CRPPA: variants seen among roughly 807,000 people sequenced by gnomAD.
CRPPA encodes the protein CDP-L-ribitol pyrophosphorylase A.
Under a neutral mutation model 52.0 loss-of-function variants are expected in CRPPA, and 43 were observed. That is an observed-to-expected ratio of 0.83 (90% CI 0.65 to 1.07). The LOEUF (loss-of-function observed/expected upper bound fraction) is 1.07. Among genes scored for constraint, CRPPA ranks in the 50% least tolerant of loss-of-function variants. CRPPA has a pLI of 0.00. For synonymous variants in CRPPA, 250 were observed against 203.5 expected (o/e 1.23, Z -1.94); for missense variants, 629 against 551.7 (o/e 1.14, Z -1.40).
At chr7:16,418,135 T>G (rs762423282) in intron 1 of CRPPA, among the ~76,000 whole-genome samples, 7 of 152,212 alleles carry the variant, frequency 4.6e-5, no homozygotes, top group Non-Finnish European at 7.3e-5. Context: ...CAGAAGGAAG[T>G]AAGGGCTTTC....
At chr7:16,321,382 A>G (rs943677471) in intron 3 of CRPPA, among the ~76,000 whole-genome samples, 1 of 152,204 alleles carries the variant, frequency 6.6e-6, no homozygotes, top group Non-Finnish European at 1.5e-5. Context: ...CACACGAATT[A>G]TTAACCTTAT....
At chr7:16,379,355 G>T (rs551998370) in intron 2 of CRPPA, among the ~76,000 whole-genome samples, 1 of 152,140 alleles carries the variant, frequency 6.6e-6, no homozygotes, top group South Asian at 2.1e-4. Context: ...CTATATCTCT[G>T]TTTCGGTACC....
intron 1 of CRPPA, among the ~76,000 whole-genome samples, chr7:16,409,009 C>A (rs1033581427): frequency 1.3e-5 from 2 of 152,190 alleles, no homozygotes; most frequent in African/African-American, 2.4e-5. Flanking sequence ...TCAAGCAATT[C>A]TCCTGCCTCA....
intron 9 of CRPPA, among the ~76,000 whole-genome samples, chr7:16,162,230 G>A (rs112914729): frequency 0.012 from 1,757 of 152,130 alleles, 43 homozygotes; most frequent in African/African-American, 0.041. Context: ...TTTTGCATTT[G>A]TTTGCTCTTG....
chr7:16,326,450 G>T (rs777225115), intron 3 of CRPPA, among the ~76,000 whole-genome samples: 1 of 152,168 alleles, frequency 6.6e-6, no homozygotes, highest in East Asian at 1.9e-4. Context: ...GCCAGTCAAA[G>T]AGCTCTGTTC....
Position 16,093,235 on chromosome 7 carries a change from A to AT in CRPPA, c.1252-1437dup, listed in dbSNP as rs370249970. On this transcript the variant is annotated intron_variant, in intron 9 of 9. Transcript: ENST00000407010. Reference sequence around the variant, plus strand: ...CCTAACACATGGTAGCACTCCATAAATTATAACAAATTCAAAGCAAAAGAG... The same window carrying AT: ...CCTAACACATGGTAGCACTCCATAAATTTATAACAAATTCAAAGCAAAAGAG... Among the ~76,000 whole-genome samples, 968 of 152,300 alleles carry AT rather than the reference A, an allele frequency of 6.4e-3. 13 individuals are homozygous for AT. The highest frequency in any genetic ancestry group is 0.022 in the African/African-American group (918 of 41,566).
rs572654737 is a variant in CRPPA, at chr7:16,270,001, A to G, written c.933+8128T>C. ...TAGTATACAACATTCTTCAAAATCA[A>G]TTGTTGAAGGTTAACTATAATCTAC... On this transcript the variant is annotated intron_variant, in intron 6 of 9. Coordinates refer to ENST00000407010, the MANE Select transcript of CRPPA (RefSeq NM_001101426.4). The G allele has an allele frequency of 1.2e-4, 18 of 152,304 alleles. No homozygotes were observed. The East Asian group carries it at 1.3e-3, about 11-fold the overall frequency. 9.4% of individuals were successfully genotyped at this position (152,304 alleles called of 1,614,324 possible).
intron 2 of CRPPA, among the ~76,000 whole-genome samples, chr7:16,404,906 A>T (rs960997768): frequency 6.6e-6 from 1 of 152,184 alleles, no homozygotes; most frequent in South Asian, 2.1e-4. Flanking sequence ...CACTACCTTA[A>T]ATACCATTTA....
chr7:16,245,404 G>A (rs530228703), intron 8 of CRPPA, among the ~76,000 whole-genome samples: 5 of 152,138 alleles, frequency 3.3e-5, no homozygotes, highest in African/African-American at 1.2e-4. Context: ...TTGCTTTCTG[G>A]CCATTTTTGG....
chr7:16,122,935 C>T (rs1338972317), intron 9 of CRPPA, among the ~76,000 whole-genome samples: 1 of 151,930 alleles, frequency 6.6e-6, no homozygotes, highest in Admixed American at 6.6e-5. Flanking sequence ...AACCTTTCTG[C>T]CACTCATGAG....
intron 8 of CRPPA, among the ~76,000 whole-genome samples, chr7:16,252,608 T>C (rs1349529638): frequency 6.6e-6 from 1 of 152,198 alleles, no homozygotes; most frequent in Non-Finnish European, 1.5e-5. Flanking sequence ...ATCAGGATGA[T>C]GCTGGCCTCA....
intron 9 of CRPPA, among the ~76,000 whole-genome samples, chr7:16,203,655 A>G (rs1412022476): frequency 6.6e-6 from 1 of 152,074 alleles, no homozygotes; most frequent in Non-Finnish European, 1.5e-5. Flanking sequence ...TTGCCCTTTT[A>G]CCATCTGGGT....
intron 3 of CRPPA, among the ~76,000 whole-genome samples, chr7:16,357,678 C>T (rs1786336929): frequency 6.6e-6 from 1 of 152,130 alleles, no homozygotes; most frequent in South Asian, 2.1e-4. Flanking sequence ...AGCATTCAGT[C>T]AAGAGTCATA....
In CRPPA at chr7:16,088,518, C is replaced by A. The variant is rs748074621; in HGVS notation, c.*3177G>T. On this transcript the variant is annotated 3_prime_UTR_variant, in exon 10 of 10. Transcript: ENST00000407010. ...CTGCAAGCTCCGCCTCCCAGGTTGA[C>A]GCCATTCTCCTGCCTAAGCCTCCTG... The A allele has an allele frequency of 1.4e-5, 2 of 147,044 alleles. No homozygotes were observed. Among genetic ancestry groups the A allele is most frequent in the African/African-American group, 5.0e-5 (2 of 39,944 alleles). The allele number at this position is 147,044 out of a possible 1,614,324, so 9.1% of individuals were successfully genotyped here. A position where few individuals can be genotyped will look rare whatever the true frequency, so the allele number is the denominator to read the frequency against.
intron 8 of CRPPA, among the ~76,000 whole-genome samples, chr7:16,255,558 TA>T (rs1290874564): frequency 6.6e-6 from 1 of 152,160 alleles, no homozygotes; most frequent in East Asian, 1.9e-4. Context: ...AAGGCTACAG[TA>T]ACCAAAACAG....
At chr7:16,291,313 T>C (rs953546922) in intron 5 of CRPPA, among the ~76,000 whole-genome samples, 18 of 151,972 alleles carry the variant, frequency 1.2e-4, no homozygotes, top group African/African-American at 4.3e-4. Flanking sequence ...GCACTCTTCA[T>C]AATAGCCAAT....
Position 16,406,083 on chromosome 7 carries a change from A to C in CRPPA, c.512T>G (p.Val171Gly). ...FVEEGVLLKV[V>G]TAAKEHGAAG... ...TACCCCGTGTTCCTTAGCAGCTGTG[A>C]CAACTTTAAGAAGGACACCTTCCTC... Residue 171 changes from valine (V) to glycine (G), a missense_variant, in exon 2 of 10, where the codon GTC (valine) becomes GGC (glycine). By Grantham distance (109) the Val-to-Gly change is moderately radical. Coordinates refer to ENST00000407010, the MANE Select transcript of CRPPA (RefSeq NM_001101426.4). 1 of 1,613,706 alleles carries C rather than the reference A, an allele frequency of 6.2e-7. No individual in the cohort carries two copies. The highest frequency in any genetic ancestry group is 8.5e-7 in the Non-Finnish European group (1 of 1,179,720).
chr7:16,259,900 A>G (rs1783750359), intron 6 of CRPPA, among the ~76,000 whole-genome samples: 1 of 152,030 alleles, frequency 6.6e-6, no homozygotes, highest in Admixed American at 6.6e-5. Context: ...TTGACAAAAT[A>G]CTGGAGAATG....
rs575414243 is a variant in CRPPA at position 16,316,898 on chromosome 7, C to A, written c.685-8271G>T. Among the ~76,000 whole-genome samples, 4 of 151,966 alleles carry A rather than the reference C, an allele frequency of 2.6e-5. No individual in the cohort carries two copies. In the East Asian group the frequency reaches 5.8e-4, roughly 22 times the overall value. On this transcript the variant is annotated intron_variant, in intron 3 of 9. Transcript: ENST00000407010. Reference sequence around the variant, plus strand: ...TAAGTTATTTAAAAATCTAAACACCCGATTGTAAAAATAATACCTATGTAT... The same window carrying A: ...TAAGTTATTTAAAAATCTAAACACCAGATTGTAAAAATAATACCTATGTAT...
Sources: allele counts gnomAD v4.1 joint callset (sites outside exome capture counted in the v4.1 genomes callset), GRCh38; gene constraint gnomAD v4.1.1; transcripts MANE v1.5; gene names NCBI Gene and HGNC (gene_info 2026-07-23, HGNC 2026-07-21).